Variants in ANAPC10 observed in about 807,000 individuals in gnomAD.
ANAPC10 encodes anaphase-promoting complex subunit 10.
Under a neutral mutation model 22.0 loss-of-function variants are expected in ANAPC10, and 12 were observed. That is an observed-to-expected ratio of 0.55 (90% CI 0.35 to 0.88). The LOEUF is 0.88. Among genes scored for constraint, ANAPC10 ranks in the 40% least tolerant of loss-of-function variants. The pLI is 0.01. For synonymous variants in ANAPC10, 65 were observed against 69.5 expected, an observed-to-expected ratio of 0.94 and a Z score of 0.32; for missense variants, 188 against 220.9, an observed-to-expected ratio of 0.85 and a Z score of 0.94.
At chr4:145,006,068 A>G (rs1196390459) in intron 4 of ANAPC10, among the ~76,000 whole-genome samples, 1 of 152,130 alleles carries the variant, frequency 6.6e-6, no homozygotes, top group Admixed American at 6.6e-5. Context: ...TCTCCCCACT[A>G]TTATTGTGGG....
chr4:145,069,373 G>T (rs1401467312), intron 3 of ANAPC10, among the ~76,000 whole-genome samples: 3 of 152,178 alleles, frequency 2.0e-5, no homozygotes, highest in Non-Finnish European at 4.4e-5. Context: ...AATATGCGTG[G>T]GGTCCCCTTC....
At chr4:145,095,921 G>A (rs1748437153) in intron 2 of ANAPC10, 64 bp downstream of exon 2, 1 of 1,608,360 alleles carries the variant, frequency 6.2e-7, no homozygotes, top group South Asian at 1.1e-5. Flanking sequence ...GATAAGGGGA[G>A]ATGCCTGTAC....
chr4:145,088,047 C>G (rs1747151476), intron 2 of ANAPC10, among the ~76,000 whole-genome samples: 1 of 152,076 alleles, frequency 6.6e-6, no homozygotes, highest in African/African-American at 2.4e-5. Flanking sequence ...GACTCCACCT[C>G]AAAGAATAAA....
intron 4 of ANAPC10, among the ~76,000 whole-genome samples, chr4:145,001,502 G>A (rs1732567140): frequency 6.6e-6 from 1 of 152,162 alleles, no homozygotes; most frequent in Non-Finnish European, 1.5e-5. Context: ...GAGAGTTAAA[G>A]TTTTACAAAA....
At chr4:145,093,499 A>G (rs1748017905) in intron 2 of ANAPC10, among the ~76,000 whole-genome samples, 1 of 152,034 alleles carries the variant, frequency 6.6e-6, no homozygotes, top group South Asian at 2.1e-4. Context: ...AAACAGACCC[A>G]GAGATGACCC....
At chr4:145,084,644 C>T (rs1579151122) in intron 2 of ANAPC10, among the ~76,000 whole-genome samples, 1 of 152,092 alleles carries the variant, frequency 6.6e-6, no homozygotes, top group East Asian at 1.9e-4. Flanking sequence ...TCAAAGCTGT[C>T]CTGGGCCATA....
At chr4:145,008,717 C>A (rs1018295751) in intron 4 of ANAPC10, among the ~76,000 whole-genome samples, 5 of 152,110 alleles carry the variant, frequency 3.3e-5, no homozygotes, top group African/African-American at 7.2e-5. Context: ...TTATGACAAA[C>A]CCACAGCCAA....
chr4:145,064,534 TA>T, intron 4 of ANAPC10, 37 bp downstream of exon 4: 2 of 1,551,602 alleles, frequency 1.3e-6, no homozygotes. Context: ...GAGTAAAAGT[TA>T]AAGGATGACA....
chr4:145,058,708 T>C (rs1276950674), intron 4 of ANAPC10, among the ~76,000 whole-genome samples: 2 of 152,144 alleles, frequency 1.3e-5, no homozygotes, highest in East Asian at 3.8e-4. Flanking sequence ...CTAAAAAATA[T>C]AGATGATACT....
chr4:145,043,670 C>T (rs997006252), intron 4 of ANAPC10, among the ~76,000 whole-genome samples: 3 of 152,034 alleles, frequency 2.0e-5, no homozygotes, highest in African/African-American at 7.2e-5. Flanking sequence ...CCATTTACAA[C>T]TTGACTGTTG....
intron 2 of ANAPC10, among the ~76,000 whole-genome samples, chr4:145,095,687 A>G (rs1748402179): frequency 6.6e-6 from 1 of 152,222 alleles, no homozygotes; most frequent in Non-Finnish European, 1.5e-5. Flanking sequence ...TTTGAGAGCG[A>G]GAGAGACCAC....
chr4:145,054,710 ATG>A (rs1741783462), intron 4 of ANAPC10, among the ~76,000 whole-genome samples: 1 of 142,176 alleles, frequency 7.0e-6, no homozygotes, highest in Non-Finnish European at 1.5e-5. Context: ...GTGTGTGTGC[ATG>A]TGTGTGTGTG....
At chr4:145,059,805 G>A (rs1742614895) in intron 4 of ANAPC10, among the ~76,000 whole-genome samples, 1 of 151,876 alleles carries the variant, frequency 6.6e-6, no homozygotes, top group African/African-American at 2.4e-5. Context: ...ATGCTATAAT[G>A]ATCACATCTA....
intron 2 of ANAPC10, among the ~76,000 whole-genome samples, chr4:145,085,703 T>C (rs1029166840): frequency 6.6e-6 from 1 of 152,160 alleles, no homozygotes; most frequent in African/African-American, 2.4e-5. Flanking sequence ...AAGTACTGAT[T>C]AGTCTAAATC....
At chr4:145,004,121 T>G (rs1732988329) in intron 4 of ANAPC10, among the ~76,000 whole-genome samples, 1 of 152,146 alleles carries the variant, frequency 6.6e-6, no homozygotes, top group Non-Finnish European at 1.5e-5. Flanking sequence ...AGAACTGCAT[T>G]CTTGATGTGA....
intron 4 of ANAPC10, among the ~76,000 whole-genome samples, chr4:145,041,358 AATC>A (rs1406078169): frequency 1.3e-5 from 2 of 152,230 alleles, no homozygotes; most frequent in East Asian, 1.9e-4. Flanking sequence ...TGACATGAAT[AATC>A]ATCATTTTGA....
At chr4:144,996,124 C>A (rs1470591606) in intron 4 of ANAPC10, among the ~76,000 whole-genome samples, 1 of 152,168 alleles carries the variant, frequency 6.6e-6, no homozygotes, top group African/African-American at 2.4e-5. Flanking sequence ...GCAGGGAACT[C>A]ACTCACAGCC....
chr4:145,038,585 G>T (rs529467121), intron 4 of ANAPC10, among the ~76,000 whole-genome samples: 22 of 152,224 alleles, frequency 1.4e-4, no homozygotes, highest in African/African-American at 4.8e-4. Flanking sequence ...AGCATTTTGG[G>T]AGGCCAAGGC....
rs567219634 is a variant in ANAPC10, at chr4:144,995,265, T to C, written c.*108A>G. 2.2e-5 allele frequency: 13 copies of C among 592,874 alleles called. No individual in the cohort carries two copies. Among genetic ancestry groups the C allele is most frequent in the Admixed American group, 1.4e-4 (4 of 27,890 alleles). The allele number at this position is 592,874 out of a possible 1,614,324, so 36.7% of individuals were successfully genotyped here. A position where few individuals can be genotyped will look rare whatever the true frequency, so the allele number is the denominator to read the frequency against. On this transcript the variant is annotated 3_prime_UTR_variant, in exon 5 of 5. Coordinates refer to ENST00000507656, the MANE Select transcript of ANAPC10 (RefSeq NM_001256706.2). The stretch of plus-strand genomic sequence containing the variant: ...TTACAATAAAATATTTTTAAACATA[T>C]ACAAAATTAGATATAACGGATGCCT...
Sources: allele counts gnomAD v4.1 joint callset (sites outside exome capture counted in the v4.1 genomes callset), GRCh38; gene constraint gnomAD v4.1.1; transcripts MANE v1.5; gene names NCBI Gene and HGNC (gene_info 2026-07-23, HGNC 2026-07-21).